The following GAL3ST3 variants were observed in gnomAD, a reference collection of about 807,000 sequenced individuals.
GAL3ST3 encodes the protein galactose-3-O-sulfotransferase 3.
A neutral mutation model predicts 20.8 loss-of-function variants in GAL3ST3; 21 were observed. The observed-to-expected ratio is 1.01, with a 90% CI of 0.72 to 1.45. The LOEUF is 1.45. Ranked by LOEUF, GAL3ST3 falls within the 40% of genes most tolerant of loss-of-function variation. The probability of loss-of-function intolerance (pLI) is 0.00; values close to 1 mark genes in which losing one functional copy is unlikely to be tolerated. For synonymous variants in GAL3ST3, 355 were observed against 307.2 expected (o/e 1.16, Z -1.63); for missense variants, 739 against 662.7 (o/e 1.12, Z -1.26).
In GAL3ST3 at chr11:66,042,946, G is replaced by A. The variant is rs1226707686; in HGVS notation, c.857C>T (p.Ala286Val). Residue 286 changes from alanine to valine, a missense_variant, in exon 3 of 3, where the codon GCG becomes GTG. Transcript: ENST00000312006. ...LAAIPAALAR[A>V]ARTWNALDAG... ...GTCCAGGGCGTTCCAGGTGCGCGCC[G>A]CCCGCGCCAGCGCCGCGGGGATGGC... The A allele has an allele frequency of 5.4e-6, 7 of 1,302,904 alleles. No homozygotes were observed. The highest frequency in any genetic ancestry group is 1.6e-5 in the South Asian group (1 of 63,014). 80.7% of individuals were successfully genotyped at this position (1,302,904 alleles called of 1,614,324 possible). A position where few individuals can be genotyped will look rare whatever the true frequency, so the allele number is the denominator to read the frequency against.
chr11:66,045,459 GGA>G lies in GAL3ST3; in HGVS notation c.-46_-45del. ...GGACCAGCCAGGGCCTCACTATCCA[GGA>G]CTCCCTTCACAGGCACTCATGGGGG... On this transcript the variant is annotated 5_prime_UTR_variant, in exon 2 of 3. The change abolishes the stop of an existing upstream ORF in the 5' untranslated region. Coordinates refer to ENST00000312006, the MANE Select transcript of GAL3ST3 (RefSeq NM_033036.3). 6.6e-7 allele frequency: 1 copy of G among 1,524,496 alleles called. No individual in the cohort carries two copies. The allele number at this position is 1,524,496 out of a possible 1,614,324, so 94.4% of individuals were successfully genotyped here. A position where few individuals can be genotyped will look rare whatever the true frequency, so the allele number is the denominator to read the frequency against.
chr11:66,048,485 C>G (rs1016762248), intron 1 of GAL3ST3, among the ~76,000 whole-genome samples: 1 of 151,926 alleles, frequency 6.6e-6, no homozygotes, highest in African/African-American at 2.4e-5. Context: ...GAGACTCCAT[C>G]CTGTCCTGAC....
At chr11:66,048,388 C>T (rs1856803712) in intron 1 of GAL3ST3, among the ~76,000 whole-genome samples, 1 of 152,120 alleles carries the variant, frequency 6.6e-6, no homozygotes, top group South Asian at 2.1e-4. Context: ...TCCTCTGTCT[C>T]CTCTGAGCTC....
In GAL3ST3 at chr11:66,043,597, A is replaced by G; in HGVS notation, c.206T>C (p.Leu69Pro). 4.3e-6 allele frequency: 7 copies of G among 1,612,886 alleles called. No homozygotes were observed. Among genetic ancestry groups the G allele is most frequent in the Non-Finnish European group, 5.9e-6 (7 of 1,179,916 alleles). The change falls in exon 3 of 3, where the codon CTG (leucine) becomes CCG (proline). Residue 69 changes from leucine to proline, a missense_variant. By Grantham distance (98) the Leu-to-Pro change is moderately conservative. Transcript: ENST00000312006. ...PRPKHMTVAF[L>P]KTHKTAGTTV... ...CGTGCCTGCCGTCTTGTGAGTCTTCAGGAAGGCCACAGTCATGTGCTTGGG... is the reference window on the plus strand; with the variant it reads ...CGTGCCTGCCGTCTTGTGAGTCTTCGGGAAGGCCACAGTCATGTGCTTGGG...
chr11:66,043,740 C>T (rs979820556), intron 2 of GAL3ST3, 63 bp from the exon 3 acceptor site: 1 of 1,422,498 alleles, frequency 7.0e-7, no homozygotes, highest in Non-Finnish European at 9.5e-7. Context: ...GACCCCTGCC[C>T]TTACCCAAGG....
rs1193084132 is a variant in GAL3ST3 at position 66,042,878 on chromosome 11, CGTGGCGCCAG to C, written c.915_924del (p.Phe305LeufsTer153). The C allele has an allele frequency of 2.6e-6, 3 of 1,175,274 alleles. No individual in the cohort carries two copies. Among genetic ancestry groups the C allele is most frequent in the Non-Finnish European group, 3.2e-6 (3 of 944,748 alleles). The allele number at this position is 1,175,274 out of a possible 1,614,324, so 72.8% of individuals were successfully genotyped here. ...ACGCACGCGCGGCCCGCGCGCGCCACGTGGCGCCAGAAGGTGGCGTTGAAGTGGTCGTAGA... is the reference window on the plus strand; with the variant it reads ...ACGCACGCGCGGCCCGCGCGCGCCACAAGGTGGCGTTGAAGTGGTCGTAGA... On this transcript the variant is annotated frameshift_variant, in exon 3 of 3. Transcript: ENST00000312006. LOFTEE classifies it high-confidence loss of function.
intron 1 of GAL3ST3, among the ~76,000 whole-genome samples, chr11:66,047,075 G>A (rs550320307): frequency 5.8e-4 from 89 of 152,274 alleles, no homozygotes; most frequent in Non-Finnish European, 9.7e-4. Flanking sequence ...CGGAGCCAAG[G>A]GTAAAGGGTC....
chr11:66,045,403 G>C lies in GAL3ST3; in HGVS notation c.13C>G (p.Leu5Val). 6.2e-7 allele frequency: 1 copy of C among 1,601,424 alleles called. No individual in the cohort carries two copies. Among genetic ancestry groups the C allele is most frequent in the Non-Finnish European group, 8.5e-7 (1 of 1,173,590 alleles). ...TTGGTGGCCTGCTGCAGGCGCTGGA[G>C]GATGGGTGGCATGGCGGAGTACCCA... MPPI[L>V]QRLQQATKMM... The change falls in exon 2 of 3, where the codon CTC (leucine) becomes GTC (valine). Residue 5 changes from leucine (L) to valine (V), a missense_variant. By Grantham distance (32) the Leu-to-Val change is conservative (BLOSUM62 1). Coordinates refer to ENST00000312006, the MANE Select transcript of GAL3ST3 (RefSeq NM_033036.3).
Position 66,043,329 on chromosome 11 carries a change from G to A in GAL3ST3, c.474C>T (p.Phe158=), listed in dbSNP as rs749469774. ...GGTTGTAGTAGCTGAAGAGCGACTC[G>A]AACATGGCGGCCGGCTCGCGCAGGA... ...VTILREPAAM[F]ESLFSYYNQY... The change falls in exon 3 of 3, where the codon TTC becomes TTT. Residue 158 remains phenylalanine, a synonymous_variant. Transcript: ENST00000312006. The A allele has an allele frequency of 1.2e-6, 2 of 1,611,770 alleles. No individual in the cohort carries two copies. Among genetic ancestry groups the A allele is most frequent in the East Asian group, 4.5e-5 (2 of 44,796 alleles).
Position 66,043,243 on chromosome 11 carries a change from G to A in GAL3ST3, c.560C>T (p.Pro187Leu), listed in dbSNP as rs1197239400. 1.2e-6 allele frequency: 2 copies of A among 1,612,218 alleles called. No individual in the cohort carries two copies. The highest frequency in any genetic ancestry group is 2.7e-5 in the African/African-American group (2 of 74,892). ...NASLEAFLRA[P>L]EAYYRAGEHF... ...CTCGCCAGCGCGGTAGTATGCCTCG[G>A]GCGCGCGCAGGAAGGCCTCGAGCGA... is the stretch of plus-strand genomic sequence containing the variant. The change falls in exon 3 of 3, where the codon CCC (proline) becomes CTC (leucine). Residue 187 changes from proline (P) to leucine (L), a missense_variant. By Grantham distance (98) the Pro-to-Leu change is moderately conservative. Transcript: ENST00000312006.
At chr11:66,046,736 C>T (rs1466730477) in intron 1 of GAL3ST3, among the ~76,000 whole-genome samples, 1 of 152,194 alleles carries the variant, frequency 6.6e-6, no homozygotes, top group Non-Finnish European at 1.5e-5. Context: ...TAGGGTGGGG[C>T]CTCAGTCTCC....
At position 66,043,030 on chromosome 11, in the gene GAL3ST3, T is replaced by G. The variant is rs775084477; in HGVS notation, c.773A>C (p.Asp258Ala). 5.0e-6 allele frequency: 8 copies of G among 1,610,052 alleles called. No homozygotes were observed. Among genetic ancestry groups the G allele is most frequent in the Non-Finnish European group, 6.8e-6 (8 of 1,178,912 alleles). ...CTTGGCGTAGAGCACGTCGTCCAGGTCCCAGGCCAGTAGGCGCCGCAGCAG... is the reference window on the plus strand; with the variant it reads ...CTTGGCGTAGAGCACGTCGTCCAGGGCCCAGGCCAGTAGGCGCCGCAGCAG... ...LVLLRRLLAWDLDDVLYAKLN... is the reference protein window; with the variant it reads ...LVLLRRLLAWALDDVLYAKLN... The change falls in exon 3 of 3, where the codon GAC (aspartate) becomes GCC (alanine). Residue 258 changes from aspartate (D) to alanine (A), a missense_variant. Physicochemically the swap from Asp to Ala is moderately radical, Grantham distance 126. Transcript: ENST00000312006.
At chr11:66,044,456 C>G (rs2135020947) in intron 2 of GAL3ST3, among the ~76,000 whole-genome samples, 1 of 152,338 alleles carries the variant, frequency 6.6e-6, no homozygotes, top group Non-Finnish European at 1.5e-5. Flanking sequence ...TACACAAAGT[C>G]TGGAGACGAC....
intron 2 of GAL3ST3, among the ~76,000 whole-genome samples, chr11:66,044,490 GCT>G (rs1176708005): frequency 1.3e-5 from 2 of 152,280 alleles, no homozygotes; most frequent in African/African-American, 4.8e-5. Flanking sequence ...AAATCCTTTT[GCT>G]CTTTCTCATT....
intron 1 of GAL3ST3, among the ~76,000 whole-genome samples, chr11:66,047,941 TG>T (rs1379903207): frequency 6.6e-6 from 1 of 152,188 alleles, no homozygotes; most frequent in Non-Finnish European, 1.5e-5. Context: ...TCGGACACTG[TG>T]GGAGGCCTGC....
rs1250709825 is a variant in GAL3ST3 at position 66,042,079 on chromosome 11, G to C, written c.*428C>G. 1.2e-5 allele frequency: 2 copies of C among 160,740 alleles called. No individual in the cohort carries two copies. The highest frequency in any genetic ancestry group is 4.8e-5 in the African/African-American group (2 of 41,760). The allele number at this position is 160,740 out of a possible 1,614,324, so 10.0% of individuals were successfully genotyped here. A position where few individuals can be genotyped will look rare whatever the true frequency, so the allele number is the denominator to read the frequency against. The stretch of plus-strand genomic sequence containing the variant: ...TGGGGAGGGTAGAACCTGGAAGACA[G>C]AAAAGTATAGGGAGCCTCAAGCCCT... On this transcript the variant is annotated 3_prime_UTR_variant, in exon 3 of 3. Transcript: ENST00000312006.
At position 66,043,582 on chromosome 11, in the gene GAL3ST3, G is replaced by T. The variant is rs141837791; in HGVS notation, c.221C>A (p.Thr74Lys). ...MTVAFLKTHK[T>K]AGTTVQNILF... ...GATGTTCTGCACCGTCGTGCCTGCC[G>T]TCTTGTGAGTCTTCAGGAAGGCCAC... The change falls in exon 3 of 3, where the codon ACG (threonine) becomes AAG (lysine). Residue 74 changes from threonine to lysine, a missense_variant. Thr to Lys is a moderately conservative substitution (Grantham distance 78, BLOSUM62 -1). Transcript: ENST00000312006. 1 of 1,612,710 alleles carries T rather than the reference G, an allele frequency of 6.2e-7. No individual in the cohort carries two copies. The highest frequency in any genetic ancestry group is 1.7e-5 in the Admixed American group (1 of 60,014).
In GAL3ST3 at chr11:66,042,914, G is replaced by C. The variant is rs1399999663; in HGVS notation, c.889C>G (p.Leu297Val). Residue 297 changes from leucine to valine, a missense_variant, in exon 3 of 3, where the codon CTC (leucine) becomes GTC (valine). Transcript: ENST00000312006. Reference protein sequence around the residue: ...ARTWNALDAGLYDHFNATFWR... With the variant: ...ARTWNALDAGVYDHFNATFWR... Reference sequence around the variant, plus strand: ...AAGGTGGCGTTGAAGTGGTCGTAGAGGCCGGCGTCCAGGGCGTTCCAGGTG... The same window carrying C: ...AAGGTGGCGTTGAAGTGGTCGTAGACGCCGGCGTCCAGGGCGTTCCAGGTG... 2 of 1,225,430 alleles carry C rather than the reference G, an allele frequency of 1.6e-6. No individual in the cohort carries two copies. Among genetic ancestry groups the C allele is most frequent in the Admixed American group, 4.5e-5 (1 of 22,298 alleles). The allele number at this position is 1,225,430 out of a possible 1,614,324, so 75.9% of individuals were successfully genotyped here.
chr11:66,045,674 T>G, intron 1 of GAL3ST3, 147 bp from the exon 2 acceptor site: 1 of 329,668 alleles, frequency 3.0e-6, no homozygotes, highest in South Asian at 9.3e-5. Context: ...CAAGACCCTA[T>G]CTCCTCACTG....
Sources: gnomAD v4.1 joint callset for allele counts (sites outside exome capture counted in the v4.1 genomes callset) on GRCh38, gnomAD v4.1.1 for gene constraint, MANE v1.5 for transcripts, NCBI Gene and HGNC (gene_info 2026-07-23, HGNC 2026-07-21) for gene names.